The following TRPC4 variants were observed in gnomAD, a reference collection of about 807,000 sequenced individuals.
TRPC4 encodes the protein transient receptor potential cation channel subfamily C member 4.
In TRPC4, 49 loss-of-function variants were observed where a neutral mutation model predicts 99.4. The ratio of observed to expected loss-of-function variants is 0.49; its 90% CI spans 0.39 to 0.63. The LOEUF (loss-of-function observed/expected upper bound fraction) is 0.63. TRPC4 is among the 20% of genes least tolerant of loss of function. The probability of loss-of-function intolerance (pLI) is 0.00; values close to 1 mark genes in which losing one functional copy is unlikely to be tolerated. For synonymous variants in TRPC4, 454 were observed against 425.9 expected (o/e 1.07, Z -0.81); for missense variants, 898 against 1,152.9 (o/e 0.78, Z 3.20).
chr13:37,753,575 A>AGAAAGAGAGAGAGAGAGAG (rs1566145348), intron 2 of TRPC4, among the ~76,000 whole-genome samples: 16 of 137,366 alleles, frequency 1.2e-4, no homozygotes, highest in African/African-American at 3.9e-4. Context: ...GAGAGAGAGA[A>AGAAAGAGAGAGAGAGAGAG]AGAGAGAGAG....
chr13:37,767,791 C>T lies in TRPC4; in HGVS notation c.378+15165G>A, dbSNP rs116057681. Among the ~76,000 whole-genome samples the T allele has an allele frequency of 8.8e-3, 1,337 of 151,354 alleles. 22 individuals are homozygous for T. Among genetic ancestry groups the T allele is most frequent in the African/African-American group, 0.03 (1,235 of 41,394 alleles). On this transcript the variant is annotated intron_variant, in intron 2 of 10. Coordinates refer to ENST00000379705, the MANE Select transcript of TRPC4 (RefSeq NM_016179.4). ...TAAATCTACCATATTCATCCATCTA[C>T]CTTTCCACTCCCAAAACTATTACTT...
chr13:37,657,100 A>C (rs1256873470), intron 6 of TRPC4, among the ~76,000 whole-genome samples: 1 of 152,192 alleles, frequency 6.6e-6, no homozygotes, highest in African/African-American at 2.4e-5. Context: ...AAAGGTAAAA[A>C]ATTTCATATT....
In TRPC4 at chr13:37,644,290, C is replaced by T. The variant is rs188614360; in HGVS notation, c.2080-4991G>A. Reference sequence around the variant, plus strand: ...TCTTATAATTATCACTGGAAATGACCGAGAACAGGAGAAATGAACAATTTG... The same window carrying T: ...TCTTATAATTATCACTGGAAATGACTGAGAACAGGAGAAATGAACAATTTG... On this transcript the variant is annotated intron_variant, in intron 8 of 10. Coordinates refer to ENST00000379705, the MANE Select transcript of TRPC4 (RefSeq NM_016179.4). Among the ~76,000 whole-genome samples, 17 of 151,766 alleles carry T rather than the reference C, an allele frequency of 1.1e-4. No individual in the cohort carries two copies. In the East Asian group the frequency reaches 2.3e-3, roughly 21 times the overall value.
intron 5 of TRPC4, among the ~76,000 whole-genome samples, chr13:37,670,598 C>T (rs1281746841): frequency 2.0e-5 from 3 of 152,206 alleles, no homozygotes; most frequent in Non-Finnish European, 4.4e-5. Context: ...CCAGATGTTA[C>T]TACCTAAATT....
At chr13:37,765,164 A>G (rs1030590033) in intron 2 of TRPC4, among the ~76,000 whole-genome samples, 7 of 151,386 alleles carry the variant, frequency 4.6e-5, no homozygotes, top group African/African-American at 1.7e-4. Context: ...GAGTTTTACT[A>G]TAAAGATTGT....
chr13:37,662,136 C>A (rs372475769), intron 6 of TRPC4, among the ~76,000 whole-genome samples: 2 of 151,974 alleles, frequency 1.3e-5, no homozygotes, highest in East Asian at 3.9e-4. Flanking sequence ...ATGTTGAAAC[C>A]CTATCTCTAC....
intron 3 of TRPC4, among the ~76,000 whole-genome samples, chr13:37,723,276 A>G (rs114246874): frequency 7.4e-4 from 113 of 152,332 alleles, no homozygotes; most frequent in African/African-American, 2.7e-3. Flanking sequence ...AATCTACAAT[A>G]TGTAAACAAA....
chr13:37,706,341 A>G (rs1954276859), intron 3 of TRPC4, among the ~76,000 whole-genome samples: 1 of 152,164 alleles, frequency 6.6e-6, no homozygotes, highest in South Asian at 2.1e-4. Flanking sequence ...GAAGTTACAC[A>G]TATAATTAGC....
intron 1 of TRPC4, among the ~76,000 whole-genome samples, chr13:37,825,531 C>G (rs1309818789): frequency 2.0e-5 from 3 of 151,428 alleles, no homozygotes; most frequent in Admixed American, 6.6e-5. Flanking sequence ...TTGTTATGTA[C>G]CCAGTAGTCA....
chr13:37,828,275 A>G (rs902527569), intron 1 of TRPC4, among the ~76,000 whole-genome samples: 1 of 152,124 alleles, frequency 6.6e-6, no homozygotes, highest in Non-Finnish European at 1.5e-5. Context: ...AGCTGTTCCT[A>G]TTCGGCCATC....
chr13:37,844,666 T>A (rs1958840375), intron 1 of TRPC4, among the ~76,000 whole-genome samples: 1 of 152,040 alleles, frequency 6.6e-6, no homozygotes, highest in Non-Finnish European at 1.5e-5. Context: ...CGTTAAGCTT[T>A]TTCTAGGTGA....
chr13:37,835,707 CCTAG>C (rs1246346201), intron 1 of TRPC4, among the ~76,000 whole-genome samples: 20 of 152,128 alleles, frequency 1.3e-4, no homozygotes. Context: ...TGTTTTGTAT[CCTAG>C]CTATTCTCAA....
At chr13:37,659,316 C>A (rs1952353120) in intron 6 of TRPC4, among the ~76,000 whole-genome samples, 1 of 152,148 alleles carries the variant, frequency 6.6e-6, no homozygotes, top group African/African-American at 2.4e-5. Flanking sequence ...CGCTTCCTTC[C>A]TCTTTCCCCC....
chr13:37,684,015 T>G (rs986214398), intron 4 of TRPC4, among the ~76,000 whole-genome samples: 8 of 152,156 alleles, frequency 5.3e-5, no homozygotes, highest in Non-Finnish European at 2.9e-5. Flanking sequence ...TAGAAAGAAG[T>G]AAAACCATTT....
chr13:37,735,384 G>C (rs559545714), intron 3 of TRPC4, among the ~76,000 whole-genome samples: 1 of 152,258 alleles, frequency 6.6e-6, no homozygotes, highest in East Asian at 1.9e-4. Context: ...GGAATAAGCT[G>C]TTAAGGCCGC....
intron 4 of TRPC4, among the ~76,000 whole-genome samples, chr13:37,686,793 A>G (rs1372968089): frequency 1.3e-5 from 2 of 152,028 alleles, no homozygotes; most frequent in African/African-American, 2.4e-5. Context: ...TCCTCAGTTC[A>G]CCTTTCTCCT....
chr13:37,735,464 G>T (rs1955367495), intron 3 of TRPC4, among the ~76,000 whole-genome samples: 1 of 152,086 alleles, frequency 6.6e-6, no homozygotes, highest in African/African-American at 2.4e-5. Context: ...CTAAATAATG[G>T]CCTAAGAGAA....
At chr13:37,868,449 A>G (rs992328148) in intron 1 of TRPC4, among the ~76,000 whole-genome samples, 2 of 152,112 alleles carry the variant, frequency 1.3e-5, no homozygotes, top group Non-Finnish European at 1.5e-5. Flanking sequence ...TCTTACTCTC[A>G]ATGTCTAATT....
At chr13:37,842,378 G>GAAAAAAAAAAAAAA (rs1330859986) in intron 1 of TRPC4, among the ~76,000 whole-genome samples, 1 of 96,772 alleles carries the variant, frequency 1.0e-5, no homozygotes, top group African/African-American at 4.2e-5. Context: ...AAAGGAAAAG[G>GAAAAAAAAAAAAAA]AAAAGTATAA....
Sources: allele counts gnomAD v4.1 joint callset (sites outside exome capture counted in the v4.1 genomes callset), GRCh38; gene constraint gnomAD v4.1.1; transcripts MANE v1.5; gene names NCBI Gene and HGNC (gene_info 2026-07-23, HGNC 2026-07-21).